Variants in CTIF observed in about 807,000 individuals in gnomAD.
CTIF encodes CBP80/20-dependent translation initiation factor.
Under a neutral mutation model 66.0 loss-of-function variants are expected in CTIF, and 21 were observed. The observed-to-expected ratio is 0.32, with a 90% CI of 0.23 to 0.46. The LOEUF (loss-of-function observed/expected upper bound fraction) is 0.46, where lower values mean the gene tolerates loss of function less well. CTIF is among the 20% of genes least tolerant of loss of function. The probability of loss-of-function intolerance (pLI) is 1.00; values close to 1 mark genes in which losing one functional copy is unlikely to be tolerated. For synonymous variants in CTIF, 345 were observed against 326.4 expected, an observed-to-expected ratio of 1.06 and a Z score of -0.62; for missense variants, 739 against 812.7, an observed-to-expected ratio of 0.91 and a Z score of 1.10.
chr18:48,824,744 G>A (rs990930644), intron 10 of CTIF, among the ~76,000 whole-genome samples: 2 of 151,964 alleles, frequency 1.3e-5, no homozygotes, highest in Non-Finnish European at 2.9e-5. Context: ...GGGTTCAAGC[G>A]ATTCTTCTGC....
intron 6 of CTIF, among the ~76,000 whole-genome samples, chr18:48,674,857 T>G (rs1449134487): frequency 6.6e-6 from 1 of 152,168 alleles, no homozygotes; most frequent in East Asian, 1.9e-4. Context: ...GTTGGTGGTG[T>G]TAACTGTCCC....
chr18:48,716,554 A>C (rs1432021320), intron 7 of CTIF, among the ~76,000 whole-genome samples: 1 of 152,032 alleles, frequency 6.6e-6, no homozygotes, highest in Non-Finnish European at 1.5e-5. Context: ...GGGATTCCCC[A>C]CATCCCCAGA....
intron 9 of CTIF, among the ~76,000 whole-genome samples, chr18:48,795,320 A>C (rs1043956391): frequency 2.0e-5 from 3 of 152,142 alleles, no homozygotes. Context: ...GGTGGGCCTT[A>C]GCCTCTCCCC....
chr18:48,745,927 T>A (rs564206893), intron 7 of CTIF, among the ~76,000 whole-genome samples: 27 of 152,330 alleles, frequency 1.8e-4, no homozygotes, highest in Admixed American at 3.9e-4. Flanking sequence ...GAGGCCCTAC[T>A]CCAGCTAACT....
intron 10 of CTIF, among the ~76,000 whole-genome samples, chr18:48,841,400 G>A (rs1005502488): frequency 5.3e-5 from 8 of 152,182 alleles, no homozygotes; most frequent in Admixed American, 3.9e-4. Context: ...CTCTGCCTAG[G>A]GCAGCGCCCT....
At position 48,602,442 on chromosome 18, in the gene CTIF, A is replaced by G. The variant is rs149430736; in HGVS notation, c.-28-17096A>G. Among the ~76,000 whole-genome samples, 4 of 152,366 alleles carry G rather than the reference A, an allele frequency of 2.6e-5. No individual in the cohort carries two copies. The East Asian group carries it at 7.7e-4, about 29-fold the overall frequency. On this transcript the variant is annotated intron_variant, in intron 1 of 11. Coordinates refer to ENST00000256413, the MANE Select transcript of CTIF (RefSeq NM_014772.3). The stretch of plus-strand genomic sequence containing the variant: ...TGAGGCCTGCGTGAGCAATTTGTCT[A>G]CATGTAAGACTATCATGAAGGCATT...
At chr18:48,654,769 G>A (rs1046430892) in intron 3 of CTIF, among the ~76,000 whole-genome samples, 3 of 152,206 alleles carry the variant, frequency 2.0e-5, no homozygotes, top group African/African-American at 4.8e-5. Context: ...TGTGGCACAT[G>A]TATACCATGG....
chr18:48,851,301 G>A (rs1408630006), intron 10 of CTIF, among the ~76,000 whole-genome samples: 1 of 152,232 alleles, frequency 6.6e-6, no homozygotes, highest in Non-Finnish European at 1.5e-5. Context: ...CAGGGAGACT[G>A]TGGAACCGCT....
chr18:48,837,608 C>T (rs377181678), intron 10 of CTIF, among the ~76,000 whole-genome samples: 10 of 152,262 alleles, frequency 6.6e-5, no homozygotes, highest in East Asian at 5.8e-4. Context: ...CTCTGCCACT[C>T]CCATCCACCT....
At chr18:48,621,971 C>A (rs2090501748) in intron 2 of CTIF, among the ~76,000 whole-genome samples, 1 of 152,196 alleles carries the variant, frequency 6.6e-6, no homozygotes. Flanking sequence ...TGGGGCCGCG[C>A]ATCTAAAATG....
chr18:48,706,976 C>T (rs908751478), intron 6 of CTIF, among the ~76,000 whole-genome samples: 12 of 152,204 alleles, frequency 7.9e-5, no homozygotes, highest in African/African-American at 2.7e-4. Context: ...GGTTCTCATG[C>T]AGAGAGGTTG....
rs1053718702 is a variant in CTIF at position 48,704,055 on chromosome 18, G to T, written c.508-7564G>T. On this transcript the variant is annotated intron_variant, in intron 6 of 11. Transcript: ENST00000256413. ...GAGTACAGAAATGAGGGAGGGACTT[G>T]CTCTTGTCCACTCCCTCTTGCTTCT... Among the ~76,000 whole-genome samples, 5 of 152,186 alleles carry T rather than the reference G, an allele frequency of 3.3e-5. No homozygotes were observed. In the South Asian group the frequency reaches 8.3e-4, roughly 25 times the overall value.
intron 1 of CTIF, among the ~76,000 whole-genome samples, chr18:48,610,638 C>G (rs1598736609): frequency 6.6e-6 from 1 of 152,238 alleles, no homozygotes; most frequent in African/African-American, 2.4e-5. Context: ...ATTCTGGGTG[C>G]CAGCACTGCA....
chr18:48,747,086 G>A (rs936785845), intron 7 of CTIF, among the ~76,000 whole-genome samples: 4 of 152,154 alleles, frequency 2.6e-5, no homozygotes, highest in South Asian at 2.1e-4. Context: ...GCCCCGACAC[G>A]TAACAAATAC....
chr18:48,708,504 T>C (rs1285126184), intron 6 of CTIF, among the ~76,000 whole-genome samples: 1 of 152,214 alleles, frequency 6.6e-6, no homozygotes, highest in East Asian at 1.9e-4. Context: ...CTGGAAGTTC[T>C]ATGTAAAAGG....
At chr18:48,776,087 G>C (rs1910641965) in intron 9 of CTIF, among the ~76,000 whole-genome samples, 1 of 152,236 alleles carries the variant, frequency 6.6e-6, no homozygotes. Flanking sequence ...TGCTGAATCT[G>C]CGACCCTGGC....
chr18:48,575,012 T>G (rs191507121), intron 1 of CTIF, among the ~76,000 whole-genome samples: 1 of 152,190 alleles, frequency 6.6e-6, no homozygotes, highest in African/African-American at 2.4e-5. Flanking sequence ...GAACTGGGTA[T>G]GACCAGGTTT....
intron 7 of CTIF, chr18:48,755,693 C>G (rs931468484): frequency 1.3e-5 from 2 of 152,208 alleles, no homozygotes; most frequent in Non-Finnish European, 2.9e-5. Context: ...CAGAAACCAA[C>G]AAGATTGAAC....
chr18:48,578,880 G>A (rs963674531), intron 1 of CTIF, among the ~76,000 whole-genome samples: 1 of 152,082 alleles, frequency 6.6e-6, no homozygotes, highest in African/African-American at 2.4e-5. Flanking sequence ...TGTTTCATTG[G>A]TGTGCTTTTG....
Sources: allele counts gnomAD v4.1 joint callset (sites outside exome capture counted in the v4.1 genomes callset), GRCh38; gene constraint gnomAD v4.1.1; transcripts MANE v1.5; gene names NCBI Gene and HGNC (gene_info 2026-07-23, HGNC 2026-07-21).